SPRED2: variants seen among roughly 807,000 people sequenced by gnomAD.
The protein encoded by SPRED2 is sprouty-related, EVH1 domain-containing protein 2.
SPRED2 carries 47 observed loss-of-function variants against 43.0 expected under a neutral mutation model. The observed-to-expected ratio is 1.09, with a 90% CI of 0.87 to 1.40. The LOEUF is 1.40. Among genes scored for constraint, SPRED2 ranks in the 40% most tolerant of loss-of-function variants. SPRED2 has a pLI of 0.00. For synonymous variants in SPRED2, 225 were observed against 225.7 expected (o/e 1.00, Z 0.03); for missense variants, 561 against 586.4 (o/e 0.96, Z 0.45).
At chr2:65,418,792 T>A (rs966815587) in intron 1 of SPRED2, among the ~76,000 whole-genome samples, 1 of 152,084 alleles carries the variant, frequency 6.6e-6, no homozygotes, top group Non-Finnish European at 1.5e-5. Context: ...TGACCTGAAG[T>A]GATCTGCCCA....
chr2:65,352,010 A>G (rs1466451580), intron 1 of SPRED2, among the ~76,000 whole-genome samples: 2 of 152,202 alleles, frequency 1.3e-5, no homozygotes, highest in African/African-American at 4.8e-5. Flanking sequence ...CTGAAGGTAG[A>G]ACACTTGCTC....
chr2:65,392,855 C>T lies in SPRED2; in HGVS notation c.26+39107G>A, dbSNP rs376891666. On this transcript the variant is annotated intron_variant, in intron 1 of 5. Coordinates refer to ENST00000356388, the MANE Select transcript of SPRED2 (RefSeq NM_181784.3). ...AAGCCCTTGTCTTCCTAAGGGTTGTCGGGGAAGACTGTTGAGAGTGGCAAG... is the reference window on the plus strand; with the variant it reads ...AAGCCCTTGTCTTCCTAAGGGTTGTTGGGGAAGACTGTTGAGAGTGGCAAG... Among the ~76,000 whole-genome samples, 37 of 152,172 alleles carry T rather than the reference C, an allele frequency of 2.4e-4. No homozygotes were observed. The East Asian group carries it at 4.2e-3, about 17-fold the overall frequency.
intron 1 of SPRED2, among the ~76,000 whole-genome samples, chr2:65,362,485 T>C (rs1674842351): frequency 6.6e-6 from 1 of 152,066 alleles, no homozygotes. Flanking sequence ...TTAGCCAGGA[T>C]GGTCTCGATC....
chr2:65,366,028 A>AC (rs1674960919), intron 1 of SPRED2, among the ~76,000 whole-genome samples: 1 of 138,294 alleles, frequency 7.2e-6, no homozygotes, highest in Non-Finnish European at 1.6e-5. Context: ...TGTGATTTAT[A>AC]AAAACAAACA....
chr2:65,357,082 T>C (rs1345644321), intron 1 of SPRED2, among the ~76,000 whole-genome samples: 1 of 152,206 alleles, frequency 6.6e-6, no homozygotes. Context: ...CAGCAGATCA[T>C]GCTAGCAATA....
intron 2 of SPRED2, among the ~76,000 whole-genome samples, chr2:65,339,647 G>T (rs1674119279): frequency 3.4e-5 from 5 of 146,052 alleles, no homozygotes; most frequent in African/African-American, 5.1e-5. Flanking sequence ...CCCTCCACTA[G>T]TGTCCTATGA....
At chr2:65,397,232 C>T (rs560097643) in intron 1 of SPRED2, among the ~76,000 whole-genome samples, 1 of 152,248 alleles carries the variant, frequency 6.6e-6, no homozygotes, top group East Asian at 1.9e-4. Flanking sequence ...CATGGCCTGG[C>T]CTCTGAGACC....
At chr2:65,383,797 C>A (rs1675431009) in intron 1 of SPRED2, among the ~76,000 whole-genome samples, 1 of 152,170 alleles carries the variant, frequency 6.6e-6, no homozygotes, top group African/African-American at 2.4e-5. Flanking sequence ...ATTAATAACC[C>A]ATGGAACTGG....
Position 65,431,960 on chromosome 2 carries a change from A to T in SPRED2, c.26+2T>A. ...CTCGTCCCACCCCGCGACCAAACTT[A>T]CTCGTCTGGGTGTGTTTCTTCGGTC... On this transcript the variant is annotated splice_donor_variant, in intron 1 of 5. Coordinates refer to ENST00000356388, the MANE Select transcript of SPRED2 (RefSeq NM_181784.3). LOFTEE classifies it high-confidence loss of function. The T allele has an allele frequency of 1.2e-6, 2 of 1,613,316 alleles. No individual in the cohort carries two copies. The highest frequency in any genetic ancestry group is 1.7e-6 in the Non-Finnish European group (2 of 1,179,816).
intron 1 of SPRED2, among the ~76,000 whole-genome samples, chr2:65,428,933 G>A (rs927408614): frequency 3.9e-5 from 6 of 152,112 alleles, no homozygotes; most frequent in Non-Finnish European, 7.3e-5. Flanking sequence ...GATGCTCTTC[G>A]CTTCTTAAAT....
intron 1 of SPRED2, among the ~76,000 whole-genome samples, chr2:65,362,494 T>G (rs113965599): frequency 6.6e-6 from 1 of 152,032 alleles, no homozygotes; most frequent in Non-Finnish European, 1.5e-5. Flanking sequence ...ATGGTCTCGA[T>G]CTCCTGACCT....
At position 65,356,532 on chromosome 2, in the gene SPRED2, CCCTCTTT is replaced by C. The variant is rs1558666441; in HGVS notation, c.27-11643_27-11637del. On this transcript the variant is annotated intron_variant, in intron 1 of 5. Coordinates refer to ENST00000356388, the MANE Select transcript of SPRED2 (RefSeq NM_181784.3). Reference sequence around the variant, plus strand: ...CTATTTAGAGTGCAGTTCCCCAGTTCCCTCTTTTTTTTTTTTTTTTTTTTTTGTGTGT... The same window carrying C: ...CTATTTAGAGTGCAGTTCCCCAGTTCTTTTTTTTTTTTTTTTTTTGTGTGT... Among the ~76,000 whole-genome samples, 207 of 52,464 alleles carry C rather than the reference CCCTCTTT, an allele frequency of 3.9e-3. 1 individual carries two copies. The highest frequency in any genetic ancestry group is 0.012 in the African/African-American group (202 of 16,600). 34.4% of individuals were successfully genotyped at this position (52,464 alleles called of 152,430 possible).
At chr2:65,308,948 T>A (rs6546143), downstream of SPRED2, among the ~76,000 whole-genome samples, 43,903 of 148,822 alleles carry the variant, frequency 0.3, 7,435 homozygotes, top group East Asian at 0.77. Context: ...AGGTCAGGAG[T>A]TTGAGACCAG....
intron 4 of SPRED2, among the ~76,000 whole-genome samples, chr2:65,324,055 C>T (rs951038173): frequency 7.9e-5 from 12 of 151,438 alleles, no homozygotes; most frequent in African/African-American, 2.9e-4. Flanking sequence ...CAGAGTCAGG[C>T]AGCTTCCCAG....
chr2:65,316,606 G>C, intron 5 of SPRED2, 128 bp downstream of exon 5: 1 of 1,150,662 alleles, frequency 8.7e-7, no homozygotes, highest in South Asian at 1.6e-5. Context: ...TCAATATGAA[G>C]TGGGGGTAAA....
chr2:65,331,929 A>G (rs1673823778), intron 4 of SPRED2, 58 bp downstream of exon 4: 1 of 1,400,816 alleles, frequency 7.1e-7, no homozygotes, highest in Non-Finnish European at 1.0e-6. Context: ...CCTTAAACAA[A>G]ACCTTTCTCT....
chr2:65,372,042 C>T (rs962587554), intron 1 of SPRED2, among the ~76,000 whole-genome samples: 3 of 151,964 alleles, frequency 2.0e-5, no homozygotes, highest in African/African-American at 7.3e-5. Context: ...CACTGCACTC[C>T]TGCCTGGAAG....
At chr2:65,392,126 A>G (rs1027053820) in intron 1 of SPRED2, among the ~76,000 whole-genome samples, 1 of 138,204 alleles carries the variant, frequency 7.2e-6, no homozygotes, top group Admixed American at 7.2e-5. Context: ...GCACAAACTT[A>G]TGTTTCGAAA....
intron 4 of SPRED2, among the ~76,000 whole-genome samples, chr2:65,325,009 C>T (rs904088310): frequency 6.6e-6 from 1 of 152,126 alleles, no homozygotes; most frequent in Non-Finnish European, 1.5e-5. Flanking sequence ...TGTGCCTGGG[C>T]TGTTTTCTCA....
Sources: gnomAD v4.1 joint callset for allele counts (sites outside exome capture counted in the v4.1 genomes callset) on GRCh38, gnomAD v4.1.1 for gene constraint, MANE v1.5 for transcripts, NCBI Gene and HGNC (gene_info 2026-07-23, HGNC 2026-07-21) for gene names.